CSMD2: variants seen among roughly 807,000 people sequenced by gnomAD.
CSMD2 encodes CUB and sushi domain-containing protein 2.
Under a neutral mutation model 398.5 loss-of-function variants are expected in CSMD2, and 130 were observed. That is an observed-to-expected ratio of 0.33 (90% CI 0.28 to 0.38). CSMD2 has a LOEUF of 0.38. CSMD2 is among the 10% of genes least tolerant of loss of function. CSMD2 has a pLI of 1.00. For missense variants in CSMD2, 3,829 were observed against 4,764.9 expected (o/e 0.80, Z 5.78); for synonymous variants, 1,828 against 1,908.5 (o/e 0.96, Z 1.10).
At chr1:33,967,198 A>C (rs1645588943) in intron 3 of CSMD2, among the ~76,000 whole-genome samples, 1 of 151,576 alleles carries the variant, frequency 6.6e-6, no homozygotes, top group Non-Finnish European at 1.5e-5. Context: ...TATTTATGGA[A>C]TCATTAAAGG....
intron 2 of CSMD2, among the ~76,000 whole-genome samples, chr1:34,041,434 T>C (rs943312365): frequency 6.6e-6 from 1 of 152,118 alleles, no homozygotes; most frequent in East Asian, 1.9e-4. Flanking sequence ...GGACTCAAAG[T>C]CAAATTGTTT....
chr1:33,678,659 T>G (rs189034635), intron 25 of CSMD2, among the ~76,000 whole-genome samples: 1 of 151,904 alleles, frequency 6.6e-6, no homozygotes, highest in African/African-American at 2.4e-5. Context: ...TTTTATCAAA[T>G]GCCCCCCTCT....
At chr1:33,526,283 A>T (rs1260780207) in intron 65 of CSMD2, among the ~76,000 whole-genome samples, 2 of 152,172 alleles carry the variant, frequency 1.3e-5, no homozygotes, top group Non-Finnish European at 2.9e-5. Flanking sequence ...AGCATGGTGA[A>T]TTGGAACATG....
chr1:34,019,202 T>C (rs993321115), intron 3 of CSMD2, among the ~76,000 whole-genome samples: 1 of 152,204 alleles, frequency 6.6e-6, no homozygotes, highest in African/African-American at 2.4e-5. Flanking sequence ...CTAGCTTTCA[T>C]TATCATCCTG....
intron 1 of CSMD2, among the ~76,000 whole-genome samples, chr1:34,128,391 G>A (rs1662969383): frequency 6.6e-6 from 1 of 152,196 alleles, no homozygotes; most frequent in Non-Finnish European, 1.5e-5. Flanking sequence ...CCGCAGGAAG[G>A]GATGCTGCGC....
chr1:33,890,845 G>A (rs981716146), intron 5 of CSMD2, among the ~76,000 whole-genome samples: 2 of 152,122 alleles, frequency 1.3e-5, no homozygotes, highest in African/African-American at 4.8e-5. Context: ...CTAGCCATAT[G>A]CAGAAAGCTG....
chr1:33,614,481 C>T, intron 40 of CSMD2, 23 bp downstream of exon 40: 1 of 1,346,840 alleles, frequency 7.4e-7, no homozygotes, highest in East Asian at 2.3e-5. Context: ...AGCCTGTCTC[C>T]TCTGGGGGCT....
chr1:34,117,237 T>C (rs886843425), intron 1 of CSMD2, among the ~76,000 whole-genome samples: 29 of 151,898 alleles, frequency 1.9e-4, no homozygotes, highest in African/African-American at 7.0e-4. Flanking sequence ...CTTAGAAAAA[T>C]AGAGAAGCTC....
intron 5 of CSMD2, among the ~76,000 whole-genome samples, chr1:33,868,678 G>A (rs1640215154): frequency 6.6e-6 from 1 of 152,314 alleles, no homozygotes; most frequent in Middle Eastern, 3.4e-3. Context: ...GGAGGTTGCA[G>A]CGAGCCCAGA....
chr1:33,581,529 CAAAAAAAAA>C (rs59068586), intron 47 of CSMD2, among the ~76,000 whole-genome samples: 1 of 36,884 alleles, frequency 2.7e-5, no homozygotes, highest in African/African-American at 1.0e-4. Context: ...GACTCAGTCT[CAAAAAAAAA>C]AAAAAAAAAA....
chr1:33,864,774 A>G (rs1269050979), intron 5 of CSMD2: 1 of 1,573,488 alleles, frequency 6.4e-7, no homozygotes, highest in East Asian at 2.2e-5. Flanking sequence ...TGAAAAAACA[A>G]AATGCCATTC....
At chr1:34,131,028 G>T (rs913315864) in intron 1 of CSMD2, among the ~76,000 whole-genome samples, 10 of 152,180 alleles carry the variant, frequency 6.6e-5, no homozygotes, top group African/African-American at 2.2e-4. Context: ...ATTCAATGTG[G>T]TACCTGTTCC....
chr1:33,520,413 A>C (rs1654158926), intron 68 of CSMD2, among the ~76,000 whole-genome samples: 1 of 151,812 alleles, frequency 6.6e-6, no homozygotes, highest in Non-Finnish European at 1.5e-5. Context: ...CCTCCCCTGC[A>C]GACTGGGAAG....
chr1:34,143,180 G>T (rs191485501), intron 1 of CSMD2, among the ~76,000 whole-genome samples: 2 of 152,234 alleles, frequency 1.3e-5, no homozygotes, highest in Non-Finnish European at 2.9e-5. Context: ...CTAGCACAGT[G>T]CCTGGGTACA....
intron 2 of CSMD2, among the ~76,000 whole-genome samples, chr1:34,036,367 G>T (rs1277134558): frequency 3.9e-5 from 6 of 152,174 alleles, no homozygotes; most frequent in African/African-American, 7.2e-5. Context: ...GTAGCAATTT[G>T]GGTGGACCTC....
chr1:33,703,588 C>T (rs1204573468), intron 22 of CSMD2, among the ~76,000 whole-genome samples: 4 of 152,170 alleles, frequency 2.6e-5, no homozygotes, highest in Non-Finnish European at 5.9e-5. Flanking sequence ...ATATGCTAAG[C>T]AGAAAGCTTT....
intron 12 of CSMD2, among the ~76,000 whole-genome samples, chr1:33,780,167 A>G (rs1462831611): frequency 3.9e-5 from 6 of 152,164 alleles, no homozygotes; most frequent in Non-Finnish European, 7.4e-5. Context: ...TTGTATCTCC[A>G]GAACCAAGCC....
intron 58 of CSMD2, 50 bp from the exon 59 acceptor site, chr1:33,541,359 TCTC>T (rs771387803): frequency 1.4e-6 from 2 of 1,382,712 alleles, no homozygotes; most frequent in African/African-American, 1.4e-5. Context: ...GGACCCCACT[TCTC>T]CTCCAATACC....
intron 60 of CSMD2, among the ~76,000 whole-genome samples, chr1:33,538,139 A>G (rs1400347788): frequency 1.3e-5 from 2 of 152,202 alleles, no homozygotes; most frequent in Non-Finnish European, 2.9e-5. Flanking sequence ...GGCATTTTCT[A>G]TTATACAGTT....
Sources: gnomAD v4.1 joint callset for allele counts (sites outside exome capture counted in the v4.1 genomes callset) on GRCh38, gnomAD v4.1.1 for gene constraint, MANE v1.5 for transcripts, NCBI Gene and HGNC (gene_info 2026-07-23, HGNC 2026-07-21) for gene names.